The following SIM1 variants were observed in gnomAD, a reference collection of about 807,000 sequenced individuals.
The protein encoded by SIM1 is single-minded homolog 1.
A neutral mutation model predicts 78.2 loss-of-function variants in SIM1; 18 were observed. The observed-to-expected ratio is 0.23, with a 90% CI of 0.16 to 0.34. The LOEUF is 0.34. Ranked by LOEUF, SIM1 falls within the 10% of genes least tolerant of loss-of-function variation. The pLI, the probability that SIM1 is intolerant of heterozygous loss-of-function variation, is 1.00. For synonymous variants in SIM1, 417 were observed against 385.2 expected, an observed-to-expected ratio of 1.08 and a Z score of -0.97; for missense variants, 939 against 975.1, an observed-to-expected ratio of 0.96 and a Z score of 0.49.
chr6:100,424,682 C>T (rs1306484746), intron 9 of SIM1, among the ~76,000 whole-genome samples: 1 of 152,014 alleles, frequency 6.6e-6, no homozygotes, highest in Non-Finnish European at 1.5e-5. Context: ...CTCAAGCGAT[C>T]CTCCTGCCTT....
Position 100,388,299 on chromosome 6 carries a change from T to C in SIM1, c.*2062A>G, listed in dbSNP as rs1770557091. ...CTCACTTATACAAAACATCGCCCTCTGTATACTCAGGTTTCACATTTCTCC... is the reference window on the plus strand; with the variant it reads ...CTCACTTATACAAAACATCGCCCTCCGTATACTCAGGTTTCACATTTCTCC... On this transcript the variant is annotated 3_prime_UTR_variant, in exon 12 of 12. Transcript: ENST00000369208. 6.6e-6 allele frequency: 1 copy of C among 152,302 alleles called. No homozygotes were observed. The highest frequency in any genetic ancestry group is 1.9e-4 in the East Asian group (1 of 5,188). 9.4% of individuals were successfully genotyped at this position (152,302 alleles called of 1,614,324 possible).
chr6:100,408,587 T>C (rs1346371450), intron 10 of SIM1, among the ~76,000 whole-genome samples: 1 of 152,164 alleles, frequency 6.6e-6, no homozygotes, highest in Non-Finnish European at 1.5e-5. Context: ...GTTACATTTA[T>C]TCTATACTAA....
At chr6:100,440,356 T>G (rs1772176499) in intron 9 of SIM1, among the ~76,000 whole-genome samples, 2 of 152,210 alleles carry the variant, frequency 1.3e-5, no homozygotes, top group Non-Finnish European at 2.9e-5. Context: ...TGCCTTTGTT[T>G]CACAGATTGC....
intron 2 of SIM1, among the ~76,000 whole-genome samples, chr6:100,457,787 G>A (rs1329584038): frequency 3.3e-5 from 5 of 152,222 alleles, no homozygotes; most frequent in Non-Finnish European, 7.3e-5. Context: ...TAAGGAGCCT[G>A]TGTGGTTGAC....
chr6:100,449,829 A>G (rs1216925053), intron 4 of SIM1, 130 bp from the exon 5 acceptor site: 2 of 699,548 alleles, frequency 2.9e-6, no homozygotes, highest in African/African-American at 3.5e-5. Flanking sequence ...CCTGAGTTCC[A>G]ATGCCAGCTC....
chr6:100,450,959 T>C (rs1412323857), intron 3 of SIM1, among the ~76,000 whole-genome samples: 3 of 152,030 alleles, frequency 2.0e-5, no homozygotes, highest in Non-Finnish European at 2.9e-5. Context: ...AGTATTGCCA[T>C]AGGGTGTATG....
At chr6:100,440,353 G>A (rs1299774506) in intron 9 of SIM1, among the ~76,000 whole-genome samples, 1 of 152,172 alleles carries the variant, frequency 6.6e-6, no homozygotes, top group African/African-American at 2.4e-5. Context: ...CCATGCCTTT[G>A]TTTCACAGAT....
chr6:100,390,241 T>A lies in SIM1; in HGVS notation c.*120A>T. The A allele has an allele frequency of 1.8e-6, 2 of 1,092,640 alleles. No individual in the cohort carries two copies. The highest frequency in any genetic ancestry group is 1.3e-6 in the Non-Finnish European group (1 of 763,344). The allele number at this position is 1,092,640 out of a possible 1,614,324, so 67.7% of individuals were successfully genotyped here. A position where few individuals can be genotyped will look rare whatever the true frequency, so the allele number is the denominator to read the frequency against. On this transcript the variant is annotated 3_prime_UTR_variant, in exon 12 of 12. Transcript: ENST00000369208. ...TGATTTTATAGGAACACGTATCAAA[T>A]ACCCAGTAACTTAAGTTATACTCTC...
chr6:100,453,307 T>A (rs1258582468), intron 3 of SIM1, among the ~76,000 whole-genome samples: 1 of 152,198 alleles, frequency 6.6e-6, no homozygotes, highest in Non-Finnish European at 1.5e-5. Context: ...CAGTTGCAGA[T>A]GTAGCTGAAT....
chr6:100,393,384 T>A (rs1376646206), intron 11 of SIM1, 103 bp downstream of exon 11: 2 of 1,048,874 alleles, frequency 1.9e-6, no homozygotes, highest in Admixed American at 6.1e-5. Flanking sequence ...GATTTGTAAA[T>A]CAAAGAAGAT....
At chr6:100,455,085 A>G (rs1038615799) in intron 2 of SIM1, among the ~76,000 whole-genome samples, 11 of 152,136 alleles carry the variant, frequency 7.2e-5, no homozygotes, top group African/African-American at 2.2e-4. Flanking sequence ...GATCTTTCAA[A>G]ATAAAACATG....
At chr6:100,457,581 T>C (rs1772701423) in intron 2 of SIM1, among the ~76,000 whole-genome samples, 1 of 152,198 alleles carries the variant, frequency 6.6e-6, no homozygotes, top group Non-Finnish European at 1.5e-5. Context: ...GGCTGAGGCG[T>C]CGAGTGGCCT....
intron 9 of SIM1, among the ~76,000 whole-genome samples, chr6:100,441,172 A>T (rs1772205750): frequency 6.6e-6 from 1 of 152,162 alleles, no homozygotes; most frequent in East Asian, 1.9e-4. Flanking sequence ...AACTCCTATG[A>T]ATCAGTGTCC....
In SIM1 at chr6:100,390,848, C is replaced by T; in HGVS notation, c.1814G>A (p.Cys605Tyr). The change falls in exon 12 of 12, where the codon TGT becomes TAT. Residue 605 changes from cysteine to tyrosine, a missense_variant. This residue lies in a region of SIM1 where 556 missense variants were observed against 521.9 expected (regional missense o/e 1.07). Transcript: ENST00000369208. Reference protein sequence around the residue: ...INGAGKKHSLCFANYQQPPPT... With the variant: ...INGAGKKHSLYFANYQQPPPT... ...TGGGGGCTGTTGGTAGTTTGCAAAA[C>T]ACAGGGAGTGTTTTTTCCCAGCCCC... The T allele has an allele frequency of 6.2e-7, 1 of 1,614,192 alleles. No individual in the cohort carries two copies. The highest frequency in any genetic ancestry group is 8.5e-7 in the Non-Finnish European group (1 of 1,180,036).
chr6:100,397,825 A>C (rs1379177644), intron 10 of SIM1, among the ~76,000 whole-genome samples: 1 of 152,158 alleles, frequency 6.6e-6, no homozygotes. Context: ...CCAAAAATCA[A>C]CAACAAGAAC....
Position 100,392,082 on chromosome 6 carries a change from G to A in SIM1, c.1571-991C>T, listed in dbSNP as rs188052030. ...CCAGTTACTTGGGAGGCTGAGACAG[G>A]AGAATTGCTTGAACCCGGGAGGCAG... On this transcript the variant is annotated intron_variant, in intron 11 of 11. Transcript: ENST00000369208. Among the ~76,000 whole-genome samples the A allele has an allele frequency of 1.6e-3, 250 of 152,288 alleles. 1 individual carries two copies. The highest frequency in any genetic ancestry group is 5.2e-3 in the African/African-American group (217 of 41,566).
intron 6 of SIM1, 121 bp downstream of exon 6, chr6:100,449,242 G>T: frequency 1.3e-6 from 1 of 767,200 alleles, no homozygotes; most frequent in South Asian, 1.6e-5. Flanking sequence ...GCGGCTCTTC[G>T]ACGCAAGCTG....
At position 100,409,637 on chromosome 6, in the gene SIM1, T is replaced by C. The variant is rs185967225; in HGVS notation, c.1167+11153A>G. On this transcript the variant is annotated intron_variant, in intron 10 of 11. Coordinates refer to ENST00000369208, the MANE Select transcript of SIM1 (RefSeq NM_005068.3). ...CCTTTAGGTGTAAAGTTAAGTTATA[T>C]GAAATCTTTATTTTTTTCTTAATGT... is the stretch of plus-strand genomic sequence containing the variant. Among the ~76,000 whole-genome samples the C allele has an allele frequency of 3.3e-3, 507 of 152,268 alleles. 3 individuals carry two copies. The highest frequency in any genetic ancestry group is 0.011 in the African/African-American group (468 of 41,580).
At chr6:100,422,674 T>C (rs1169230293) in intron 9 of SIM1, among the ~76,000 whole-genome samples, 3 of 152,062 alleles carry the variant, frequency 2.0e-5, no homozygotes, top group Non-Finnish European at 4.4e-5. Flanking sequence ...AGAGTAGATT[T>C]AAAGTATTTT....
Sources: gnomAD v4.1 joint callset for allele counts (sites outside exome capture counted in the v4.1 genomes callset) on GRCh38, gnomAD v4.1.1 for gene constraint, gnomAD v4.1.1 regional missense constraint, MANE v1.5 for transcripts, NCBI Gene and HGNC (gene_info 2026-07-23, HGNC 2026-07-21) for gene names.